The following RGS6 variants were observed in gnomAD, a reference collection of about 807,000 sequenced individuals.
The protein encoded by RGS6 is regulator of G-protein signaling 6.
A neutral mutation model predicts 78.5 loss-of-function variants in RGS6; 30 were observed. The observed-to-expected ratio is 0.38, with a 90% CI of 0.29 to 0.52. The LOEUF (loss-of-function observed/expected upper bound fraction) is 0.52. Ranked by LOEUF, RGS6 falls within the 20% of genes least tolerant of loss-of-function variation. RGS6 has a pLI of 0.85. For missense variants in RGS6, 495 were observed against 609.7 expected (o/e 0.81, Z 1.98); for synonymous variants, 206 against 206.0 (o/e 1.00, Z 0.00).
chr14:72,579,589 A>G, the RGS6 span, among the ~76,000 whole-genome samples: 1 of 152,158 alleles, frequency 6.6e-6, no homozygotes, highest in Non-Finnish European at 1.5e-5. Flanking sequence ...GCCCAGGGAT[A>G]ATGACATCTA....
intron 17 of RGS6, among the ~76,000 whole-genome samples, chr14:72,557,835 C>T (rs1457341076): frequency 6.6e-6 from 1 of 152,130 alleles, no homozygotes; most frequent in Non-Finnish European, 1.5e-5. Context: ...GTTGCGAGTT[C>T]GAATTCCCCA....
chr14:72,097,179 A>G (rs961829174), intron 2 of RGS6, among the ~76,000 whole-genome samples: 1 of 152,232 alleles, frequency 6.6e-6, no homozygotes, highest in Non-Finnish European at 1.5e-5. Flanking sequence ...TTTGATATTA[A>G]TAGTTACAAA....
intron 2 of RGS6, among the ~76,000 whole-genome samples, chr14:72,198,301 C>T (rs1404910614): frequency 6.6e-6 from 1 of 152,142 alleles, no homozygotes; most frequent in Non-Finnish European, 1.5e-5. Context: ...TTCAGTGAGC[C>T]AAAATTATGC....
chr14:72,100,332 T>G (rs1317152213), intron 2 of RGS6, among the ~76,000 whole-genome samples: 4 of 151,626 alleles, frequency 2.6e-5, no homozygotes, highest in Non-Finnish European at 5.9e-5. Context: ...TGGTGAAACC[T>G]CCTCTCTCCT....
intron 2 of RGS6, among the ~76,000 whole-genome samples, chr14:72,207,318 C>A (rs927944597): frequency 6.6e-6 from 1 of 152,136 alleles, no homozygotes; most frequent in Non-Finnish European, 1.5e-5. Flanking sequence ...AGTTATATTT[C>A]TAATGACTTC....
intron 2 of RGS6, among the ~76,000 whole-genome samples, chr14:72,065,156 A>G (rs1036370644): frequency 4.6e-5 from 7 of 152,252 alleles, no homozygotes; most frequent in African/African-American, 7.2e-5. Context: ...TTTATTAAAT[A>G]TACAACTGGC....
chr14:72,483,432 G>A (rs1201117325), intron 12 of RGS6, among the ~76,000 whole-genome samples: 1 of 152,072 alleles, frequency 6.6e-6, no homozygotes, highest in African/African-American at 2.4e-5. Context: ...TGAGATTGCC[G>A]CTGCTCCCTG....
At position 72,454,514 on chromosome 14, in the gene RGS6, C is replaced by T. The variant is rs1317123304; in HGVS notation, c.185-14C>T. On this transcript the variant is annotated splice_polypyrimidine_tract_variant and intron_variant, in intron 3 of 17. Coordinates refer to ENST00000553525, the MANE Select transcript of RGS6 (RefSeq NM_001204424.2). ...CCCAGGAGGTCTTCAGCTGAAATTG[C>T]TTTATCGTTGCAGGTACTGACATTG... is the stretch of plus-strand genomic sequence containing the variant. 2.5e-6 allele frequency: 4 copies of T among 1,613,774 alleles called. No individual in the cohort carries two copies. Among genetic ancestry groups the T allele is most frequent in the Non-Finnish European group, 3.4e-6 (4 of 1,179,812 alleles).
chr14:71,996,155 T>TG (rs1252056906), intron 2 of RGS6, among the ~76,000 whole-genome samples: 3 of 87,524 alleles, frequency 3.4e-5, no homozygotes, highest in Middle Eastern at 6.3e-3. Context: ...GTTAGAAGTG[T>TG]GTTTTTTTTT....
At chr14:72,098,673 T>C (rs2095463620) in intron 2 of RGS6, among the ~76,000 whole-genome samples, 1 of 152,162 alleles carries the variant, frequency 6.6e-6, no homozygotes, top group South Asian at 2.1e-4. Context: ...AATTTGGAAG[T>C]TTTGGCAAAA....
At chr14:72,158,416 A>T (rs1396300473) in intron 2 of RGS6, among the ~76,000 whole-genome samples, 1 of 152,212 alleles carries the variant, frequency 6.6e-6, no homozygotes, top group Non-Finnish European at 1.5e-5. Flanking sequence ...CATATGTGAG[A>T]TACTGGGGTT....
At chr14:72,069,187 G>A (rs558495662) in intron 2 of RGS6, among the ~76,000 whole-genome samples, 34 of 151,916 alleles carry the variant, frequency 2.2e-4, no homozygotes, top group African/African-American at 7.7e-4. Flanking sequence ...TGGCCAGGCT[G>A]GTCTTGAACT....
chr14:72,373,566 T>TA (rs1177456003), intron 3 of RGS6, among the ~76,000 whole-genome samples: 1 of 152,098 alleles, frequency 6.6e-6, no homozygotes, highest in Non-Finnish European at 1.5e-5. Flanking sequence ...GAGTATCAAG[T>TA]AAAAAAATTG....
At chr14:72,076,539 T>G (rs910808855) in intron 2 of RGS6, among the ~76,000 whole-genome samples, 3 of 151,982 alleles carry the variant, frequency 2.0e-5, no homozygotes, top group African/African-American at 7.2e-5. Context: ...CTATACACAC[T>G]TTTTTTTGAG....
intron 2 of RGS6, among the ~76,000 whole-genome samples, chr14:72,121,427 A>G (rs2153570547): frequency 6.6e-6 from 1 of 152,318 alleles, no homozygotes; most frequent in Middle Eastern, 3.4e-3. Context: ...GCCTGTCTAC[A>G]CTGAAGGAAT....
intron 3 of RGS6, among the ~76,000 whole-genome samples, chr14:72,372,799 G>T (rs1000591711): frequency 6.6e-6 from 1 of 152,208 alleles, no homozygotes; most frequent in Non-Finnish European, 1.5e-5. Flanking sequence ...GATTCTTGCT[G>T]AGCTGTTGAA....
intron 2 of RGS6, among the ~76,000 whole-genome samples, chr14:72,154,668 A>G (rs1328324340): frequency 6.6e-6 from 1 of 152,252 alleles, no homozygotes. Context: ...AACTGACGTG[A>G]AAGCAAGTTT....
At chr14:72,532,497 C>A (rs1185739521) in intron 15 of RGS6, among the ~76,000 whole-genome samples, 2 of 152,200 alleles carry the variant, frequency 1.3e-5, no homozygotes, top group Non-Finnish European at 2.9e-5. Flanking sequence ...AGTCGCATGT[C>A]TCTAACTTTA....
At chr14:72,384,185 G>A (rs1310770580) in intron 3 of RGS6, among the ~76,000 whole-genome samples, 1 of 152,128 alleles carries the variant, frequency 6.6e-6, no homozygotes, top group Non-Finnish European at 1.5e-5. Context: ...AAACACTGGG[G>A]CATGGTGATG....
Sources: allele counts gnomAD v4.1 joint callset (sites outside exome capture counted in the v4.1 genomes callset), GRCh38; gene constraint gnomAD v4.1.1; transcripts MANE v1.5; gene names NCBI Gene and HGNC (gene_info 2026-07-23, HGNC 2026-07-21).